CEP63: variants seen among roughly 807,000 people sequenced by gnomAD.
CEP63 encodes centrosomal protein 63.
In CEP63, 84 loss-of-function variants were observed where a neutral mutation model predicts 89.1. The observed-to-expected ratio is 0.94, with a 90% CI of 0.79 to 1.13. The LOEUF is 1.13. CEP63 is among the 50% of genes most tolerant of loss of function. The pLI is 0.00. For missense variants in CEP63, 838 were observed against 813.3 expected, an observed-to-expected ratio of 1.03 and a Z score of -0.37; for synonymous variants, 267 against 272.5, an observed-to-expected ratio of 0.98 and a Z score of 0.20.
downstream of CEP63, among the ~76,000 whole-genome samples, chr3:134,592,525 C>G (rs9858801): frequency 6.8e-6 from 1 of 148,024 alleles, no homozygotes; most frequent in South Asian, 2.2e-4. Flanking sequence ...TATGGAGGAA[C>G]TGACTGACTG....
At chr3:134,718,110 T>C in the CEP63 span, among the ~76,000 whole-genome samples, 1 of 152,200 alleles carries the variant, frequency 6.6e-6, no homozygotes, top group Admixed American at 6.5e-5. Context: ...CCAAGTCTGG[T>C]AAATCATCAT....
the CEP63 span, among the ~76,000 whole-genome samples, chr3:134,633,189 T>G: frequency 2.6e-5 from 4 of 151,974 alleles, no homozygotes; most frequent in African/African-American, 9.7e-5. Flanking sequence ...TTAAAGTAAA[T>G]AACATCAATT....
intron 1 of CEP63, among the ~76,000 whole-genome samples, chr3:134,492,219 G>A (rs1418280855): frequency 1.3e-5 from 2 of 151,722 alleles, no homozygotes; most frequent in African/African-American, 2.4e-5. Context: ...GACTACAGGC[G>A]CGCGCCACCA....
At chr3:134,597,033 G>T in the CEP63 span, among the ~76,000 whole-genome samples, 1 of 152,186 alleles carries the variant, frequency 6.6e-6, no homozygotes, top group Non-Finnish European at 1.5e-5. Context: ...ACTGCCTGGT[G>T]TCACATGGTT....
the CEP63 span, among the ~76,000 whole-genome samples, chr3:134,745,535 A>T: frequency 1.3e-5 from 2 of 152,170 alleles, no homozygotes; most frequent in Non-Finnish European, 2.9e-5. Flanking sequence ...TTTCTTTTTT[A>T]AAATTATTAT....
the CEP63 span, among the ~76,000 whole-genome samples, chr3:134,670,986 A>T: frequency 1.4e-4 from 21 of 152,238 alleles, no homozygotes; most frequent in Non-Finnish European, 2.2e-4. Flanking sequence ...TTGTCTACAG[A>T]TACATACATT....
At chr3:134,554,326 A>G (rs1347335635) in intron 12 of CEP63, among the ~76,000 whole-genome samples, 1 of 150,456 alleles carries the variant, frequency 6.6e-6, no homozygotes, top group Non-Finnish European at 1.5e-5. Context: ...GAGTGAGAAT[A>G]TGCAGTGTTT....
the CEP63 span, among the ~76,000 whole-genome samples, chr3:134,748,146 G>A: frequency 1.3e-5 from 2 of 152,146 alleles, no homozygotes; most frequent in African/African-American, 4.8e-5. Flanking sequence ...GGGGCATTTT[G>A]TGTGCTTCTC....
intron 12 of CEP63, among the ~76,000 whole-genome samples, chr3:134,556,013 A>G (rs1221926217): frequency 3.3e-5 from 5 of 149,786 alleles, no homozygotes; most frequent in Non-Finnish European, 7.4e-5. Context: ...GAGAAAAACA[A>G]GCAATGGGGA....
intron 6 of CEP63, among the ~76,000 whole-genome samples, chr3:134,544,603 T>C (rs1211819269): frequency 6.8e-6 from 1 of 146,054 alleles, no homozygotes; most frequent in Non-Finnish European, 1.5e-5. Context: ...ATGTTTATAA[T>C]GTTAAAACAG....
At position 134,562,062 on chromosome 3, in the gene CEP63, A is replaced by G. The variant is rs1957394438; in HGVS notation, c.*527A>G. 2 of 995,280 alleles carry G rather than the reference A, an allele frequency of 2.0e-6. No individual in the cohort carries two copies. Among genetic ancestry groups the G allele is most frequent in the Non-Finnish European group, 2.4e-6 (2 of 835,918 alleles). 61.7% of individuals were successfully genotyped at this position (995,280 alleles called of 1,614,324 possible). A position where few individuals can be genotyped will look rare whatever the true frequency, so the allele number is the denominator to read the frequency against. Reference sequence around the variant, plus strand: ...GTGTAAAGTCAGGCTGGTAGTGAATAAGGGGGGGGTGTGCTAAAGAACCTT... The same window carrying G: ...GTGTAAAGTCAGGCTGGTAGTGAATGAGGGGGGGGTGTGCTAAAGAACCTT... On this transcript the variant is annotated 3_prime_UTR_variant, in exon 15 of 15. Coordinates refer to ENST00000675561, the MANE Select transcript of CEP63 (RefSeq NM_001353108.3).
intron 3 of CEP63, among the ~76,000 whole-genome samples, chr3:134,509,512 C>T (rs1425578597): frequency 6.6e-6 from 1 of 152,178 alleles, no homozygotes; most frequent in Non-Finnish European, 1.5e-5. Flanking sequence ...TTTGACGATT[C>T]TTTCCCAAAC....
the CEP63 span, chr3:134,629,824 GT>G: frequency 1.6e-6 from 1 of 635,700 alleles, no homozygotes; most frequent in East Asian, 2.8e-5. Context: ...AATCATCCTT[GT>G]TTTTTTCTTT....
At chr3:134,625,231 C>A in the CEP63 span, 2 of 890,870 alleles carry the variant, frequency 2.2e-6, no homozygotes, top group South Asian at 1.4e-5. Context: ...TGTGACTGTC[C>A]AACCTTTAAC....
At chr3:134,687,289 G>A in the CEP63 span, among the ~76,000 whole-genome samples, 4 of 152,158 alleles carry the variant, frequency 2.6e-5, no homozygotes, top group Non-Finnish European at 4.4e-5. Flanking sequence ...ATTTCTCAAA[G>A]GTTACTACTA....
At chr3:134,540,502 A>G (rs1464806405) in intron 6 of CEP63, among the ~76,000 whole-genome samples, 1 of 152,168 alleles carries the variant, frequency 6.6e-6, no homozygotes, top group Admixed American at 6.5e-5. Context: ...GTTTTCTCCA[A>G]TGATGGATTG....
chr3:134,751,491 G>T, the CEP63 span, among the ~76,000 whole-genome samples: 1 of 152,130 alleles, frequency 6.6e-6, no homozygotes, highest in Non-Finnish European at 1.5e-5. Flanking sequence ...ACTTCCCAGG[G>T]CACTATGACT....
At chr3:134,751,658 A>C in the CEP63 span, among the ~76,000 whole-genome samples, 1 of 152,256 alleles carries the variant, frequency 6.6e-6, no homozygotes, top group South Asian at 2.1e-4. Context: ...GGATGCCCAC[A>C]TGGATGTGGC....
chr3:134,660,872 G>C, the CEP63 span, among the ~76,000 whole-genome samples: 3 of 152,168 alleles, frequency 2.0e-5, no homozygotes, highest in Non-Finnish European at 4.4e-5. Flanking sequence ...GTTGAGACTG[G>C]AGAGTGGGCT....
Sources: allele counts gnomAD v4.1 joint callset (sites outside exome capture counted in the v4.1 genomes callset), GRCh38; gene constraint gnomAD v4.1.1; transcripts MANE v1.5; gene names NCBI Gene and HGNC (gene_info 2026-07-23, HGNC 2026-07-21).